FAF1: variants seen among roughly 807,000 people sequenced by gnomAD.
FAF1 encodes the protein FAS-associated factor 1.
A neutral mutation model predicts 92.5 loss-of-function variants in FAF1; 25 were observed. That is an observed-to-expected ratio of 0.27 (90% CI 0.20 to 0.38). FAF1 has a LOEUF of 0.38. Among genes scored for constraint, FAF1 ranks in the 10% least tolerant of loss-of-function variants. The pLI is 1.00. For synonymous variants in FAF1, 234 were observed against 273.2 expected (o/e 0.86, Z 1.42); for missense variants, 636 against 793.3 (o/e 0.80, Z 2.38).
intron 10 of FAF1, 60 bp downstream of exon 10, chr1:50,584,620 TTCATA>T: frequency 6.6e-7 from 1 of 1,515,320 alleles, no homozygotes; most frequent in Non-Finnish European, 9.0e-7. Flanking sequence ...TTTAATGTTC[TTCATA>T]AGTTTGTGTA....
At chr1:50,637,273 T>TAAAAA (rs1172030649) in intron 8 of FAF1, among the ~76,000 whole-genome samples, 1 of 97,228 alleles carries the variant, frequency 1.0e-5, no homozygotes, top group African/African-American at 4.0e-5. Context: ...CCATTTCTAC[T>TAAAAA]AAAAAAAAAA....
At chr1:50,783,403 A>C (rs1037760637) in intron 4 of FAF1, among the ~76,000 whole-genome samples, 1 of 152,226 alleles carries the variant, frequency 6.6e-6, no homozygotes, top group African/African-American at 2.4e-5. Context: ...CTATCAGACG[A>C]AAAGAAAACT....
intron 2 of FAF1, among the ~76,000 whole-genome samples, chr1:50,802,302 C>T (rs890576995): frequency 1.3e-5 from 2 of 152,070 alleles, no homozygotes. Flanking sequence ...GTTGGTCAGG[C>T]GGGTCTCGAA....
intron 1 of FAF1, among the ~76,000 whole-genome samples, chr1:50,922,818 CAAAAA>C (rs754253837): frequency 1.8e-5 from 1 of 56,884 alleles, no homozygotes; most frequent in African/African-American, 6.0e-5. Flanking sequence ...GAATCCACCA[CAAAAA>C]AAAAAAAAAA....
chr1:50,861,269 G>A (rs994066754), intron 1 of FAF1, among the ~76,000 whole-genome samples: 4 of 151,816 alleles, frequency 2.6e-5, no homozygotes, highest in Non-Finnish European at 5.9e-5. Flanking sequence ...GACTGCTATG[G>A]ATTGAATATC....
intron 13 of FAF1, 30 bp downstream of exon 13, chr1:50,567,047 C>A: frequency 3.4e-6 from 5 of 1,478,924 alleles, no homozygotes; most frequent in South Asian, 2.9e-5. Flanking sequence ...AATAGAAGCC[C>A]AACTTGTAAC....
intron 1 of FAF1, among the ~76,000 whole-genome samples, chr1:50,939,165 A>G (rs1645110355): frequency 1.3e-5 from 2 of 152,340 alleles, no homozygotes; most frequent in Admixed American, 6.5e-5. Context: ...GAGTATGGCC[A>G]TTTTAATGCT....
At position 50,535,666 on chromosome 1, in the gene FAF1, C is replaced by T. The variant is rs552845213; in HGVS notation, c.1406-209G>A. 4.4e-4 allele frequency among the ~76,000 whole-genome samples: 67 copies of T among 152,042 alleles called. 1 individual carries two copies. Among genetic ancestry groups the T allele is most frequent in the Non-Finnish European group, 7.4e-4 (50 of 68,008 alleles). ...AGTAGTATACTGGCAGTTGAAATTT[C>T]GGAAGTTATATTTGAGGGAGCAGTT... On this transcript the variant is annotated intron_variant, in intron 14 of 18. Coordinates refer to ENST00000396153, the MANE Select transcript of FAF1 (RefSeq NM_007051.3).
At chr1:50,518,032 G>A (rs544994658) in intron 15 of FAF1, among the ~76,000 whole-genome samples, 3 of 152,262 alleles carry the variant, frequency 2.0e-5, no homozygotes, top group South Asian at 4.1e-4. Flanking sequence ...TCTAACGTAT[G>A]TATAGATTCA....
chr1:50,835,008 T>C (rs1644187565), intron 2 of FAF1, among the ~76,000 whole-genome samples: 1 of 152,042 alleles, frequency 6.6e-6, no homozygotes, highest in South Asian at 2.1e-4. Flanking sequence ...ACTAGGGTAG[T>C]AACAATAATA....
At chr1:50,651,461 C>A (rs938390535) in intron 8 of FAF1, among the ~76,000 whole-genome samples, 3 of 152,142 alleles carry the variant, frequency 2.0e-5, no homozygotes, top group Non-Finnish European at 2.9e-5. Context: ...CATAAATTCA[C>A]AGAATCCAAT....
intron 17 of FAF1, among the ~76,000 whole-genome samples, chr1:50,488,835 C>G (rs930768650): frequency 6.6e-6 from 1 of 152,154 alleles, no homozygotes; most frequent in African/African-American, 2.4e-5. Flanking sequence ...AAGCAGCTAG[C>G]AAACTATTTA....
At chr1:50,578,053 A>T (rs79521580) in intron 12 of FAF1, among the ~76,000 whole-genome samples, 35,236 of 152,230 alleles carry the variant, frequency 0.23, 4,500 homozygotes, top group Middle Eastern at 0.44. Flanking sequence ...TTAGTGATTA[A>T]CTATATACCA....
At chr1:50,520,722 C>T (rs1647455584) in intron 15 of FAF1, among the ~76,000 whole-genome samples, 1 of 152,226 alleles carries the variant, frequency 6.6e-6, no homozygotes, top group African/African-American at 2.4e-5. Flanking sequence ...GTGGTGCACG[C>T]CTGTAGTCCC....
rs12087238 is a variant in FAF1, at chr1:50,801,993, A to C, written c.115-316T>G. 5.3e-3 allele frequency among the ~76,000 whole-genome samples: 804 copies of C among 152,326 alleles called. 8 individuals are homozygous for C. Among genetic ancestry groups the C allele is most frequent in the African/African-American group, 0.018 (769 of 41,574 alleles). On this transcript the variant is annotated intron_variant, in intron 2 of 18. Transcript: ENST00000396153. ...GTTTAAGGATGTCAAAACAGGAAAA[A>C]TCAGTAACTTCATCTTATAAACATT...
intron 12 of FAF1, among the ~76,000 whole-genome samples, chr1:50,577,535 G>A (rs1650808002): frequency 6.6e-6 from 1 of 152,194 alleles, no homozygotes; most frequent in Non-Finnish European, 1.5e-5. Context: ...GAAAAGAAAA[G>A]AAAAGAGAAG....
chr1:50,518,143 C>T (rs765998979), intron 15 of FAF1, among the ~76,000 whole-genome samples: 3 of 151,998 alleles, frequency 2.0e-5, no homozygotes, highest in Non-Finnish European at 4.4e-5. Context: ...TACTCTCTAG[C>T]AGCCGCTGAC....
chr1:50,613,624 C>A (rs11205741), intron 8 of FAF1, among the ~76,000 whole-genome samples: 10,948 of 151,912 alleles, frequency 0.072, 432 homozygotes, highest in African/African-American at 0.1. Flanking sequence ...TTAAAAAAAT[C>A]CAACAGATTT....
At chr1:50,476,894 C>G (rs1486290796) in intron 17 of FAF1, among the ~76,000 whole-genome samples, 1 of 152,030 alleles carries the variant, frequency 6.6e-6, no homozygotes, top group African/African-American at 2.4e-5. Flanking sequence ...AGCTTATAAG[C>G]TGGTTCTTTG....
Sources: gnomAD v4.1 joint callset for allele counts (sites outside exome capture counted in the v4.1 genomes callset) on GRCh38, gnomAD v4.1.1 for gene constraint, MANE v1.5 for transcripts, NCBI Gene and HGNC (gene_info 2026-07-23, HGNC 2026-07-21) for gene names.